Variants in PYY observed in about 807,000 individuals in gnomAD.
The protein encoded by PYY is peptide YY, also known as peptide tyrosine tyrosine.
In PYY, 12 loss-of-function variants were observed where a neutral mutation model predicts 10.3. The ratio of observed to expected loss-of-function variants is 1.17; its 90% CI spans 0.75 to 1.89. PYY has a LOEUF of 1.89. PYY is among the 40% of genes most tolerant of loss of function. The pLI, the probability that PYY is intolerant of heterozygous loss-of-function variation, is 0.00. For missense variants in PYY, 141 were observed against 134.0 expected (o/e 1.05, Z -0.26); for synonymous variants, 66 against 62.0 (o/e 1.06, Z -0.30).
rs546849468 is a variant in PYY, at chr17:43,985,727, C to T, written c.-463+18664G>A. ...AGTAGCACACACACAAAATAGGAAA[C>T]AGCACAAATTTCCAAATTTGTTCCA... On this transcript the variant is annotated intron_variant, in intron 1 of 6. Transcript: ENST00000360085. Among the ~76,000 whole-genome samples, 154 of 152,180 alleles carry T rather than the reference C, an allele frequency of 1.0e-3. 1 individual carries two copies. The highest frequency in any genetic ancestry group is 1.7e-3 in the Non-Finnish European group (118 of 68,010).
intron 2 of PYY, among the ~76,000 whole-genome samples, chr17:43,961,430 TATG>T (rs1003089514): frequency 6.6e-6 from 1 of 151,966 alleles, no homozygotes; most frequent in Non-Finnish European, 1.5e-5. Flanking sequence ...AAATAAAGAG[TATG>T]ATGAGGAAGC....
intron 2 of PYY, among the ~76,000 whole-genome samples, chr17:43,960,177 G>C (rs1418886325): frequency 6.6e-6 from 1 of 152,150 alleles, no homozygotes; most frequent in Non-Finnish European, 1.5e-5. Flanking sequence ...AGGGGATAGG[G>C]TGCCTCTGAT....
rs962952430 is a variant in PYY at position 43,978,926 on chromosome 17, T to C, written c.-462-12394A>G. Among the ~76,000 whole-genome samples the C allele has an allele frequency of 1.6e-4, 24 of 152,330 alleles. 1 individual carries two copies. Among genetic ancestry groups the C allele is most frequent in the South Asian group, 1.2e-3 (6 of 4,834 alleles). ...TAAACTGTGGGCACCCCCTGTAAAG[T>C]GCCCTTATCCATAAAGGTCTGTTTT... On this transcript the variant is annotated intron_variant, in intron 1 of 6. Transcript: ENST00000360085.
chr17:43,972,903 C>T (rs933200435), intron 1 of PYY, among the ~76,000 whole-genome samples: 2 of 151,874 alleles, frequency 1.3e-5, no homozygotes, highest in East Asian at 1.9e-4. Flanking sequence ...TTAGTAGAGA[C>T]GGTGTTTCAC....
At chr17:43,955,537 T>C (rs2048666155), upstream of PYY, among the ~76,000 whole-genome samples, 1 of 151,904 alleles carries the variant, frequency 6.6e-6, no homozygotes, top group Non-Finnish European at 1.5e-5. Context: ...CTGCTGAGCA[T>C]GGGGGTGGAA....
chr17:43,998,555 C>G (rs2049005727), intron 1 of PYY, among the ~76,000 whole-genome samples: 1 of 151,820 alleles, frequency 6.6e-6, no homozygotes, highest in South Asian at 2.1e-4. Context: ...GAGACTCTGT[C>G]TCAAAAAGAA....
chr17:43,962,772 T>TG (rs1555616992), intron 2 of PYY, among the ~76,000 whole-genome samples: 1 of 152,102 alleles, frequency 6.6e-6, no homozygotes, highest in Non-Finnish European at 1.5e-5. Context: ...GGGCATTTTT[T>TG]GGGGGGCGGC....
chr17:43,991,228 G>A (rs970667739), intron 1 of PYY, among the ~76,000 whole-genome samples: 6 of 151,812 alleles, frequency 4.0e-5, no homozygotes, highest in African/African-American at 9.7e-5. Context: ...TCAGGAGTTC[G>A]AGACTACCCT....
At position 43,989,889 on chromosome 17, in the gene PYY, TATATATATATAC is replaced by T. The variant is rs1456590752; in HGVS notation, c.-463+14490_-463+14501del. Among the ~76,000 whole-genome samples, 39 of 42,420 alleles carry T rather than the reference TATATATATATAC, an allele frequency of 9.2e-4. 18 individuals are homozygous for T. The highest frequency in any genetic ancestry group is 3.8e-3 in the African/African-American group (37 of 9,838). 27.8% of individuals were successfully genotyped at this position (42,420 alleles called of 152,430 possible). A position where few individuals can be genotyped will look rare whatever the true frequency, so the allele number is the denominator to read the frequency against. ...ATATATATATATATATATATATATATATATATATATACACACAAATCTATAAGTAAGACATTA... is the reference window on the plus strand; with the variant it reads ...ATATATATATATATATATATATATATACACAAATCTATAAGTAAGACATTA... On this transcript the variant is annotated intron_variant, in intron 1 of 6. Transcript: ENST00000360085.
chr17:43,990,034 A>C (rs2048946082), intron 1 of PYY, among the ~76,000 whole-genome samples: 1 of 151,618 alleles, frequency 6.6e-6, no homozygotes, highest in Non-Finnish European at 1.5e-5. Context: ...TTTACCTGGT[A>C]AGATTTCCAA....
intron 2 of PYY, among the ~76,000 whole-genome samples, chr17:43,959,013 A>G (rs2048694275): frequency 6.6e-6 from 1 of 152,246 alleles, no homozygotes; most frequent in Non-Finnish European, 1.5e-5. Flanking sequence ...CTAAAAATCT[A>G]GAAGTGTGCT....
At chr17:43,996,546 C>G (rs945417495) in intron 1 of PYY, among the ~76,000 whole-genome samples, 5 of 152,162 alleles carry the variant, frequency 3.3e-5, no homozygotes, top group Admixed American at 6.5e-5. Flanking sequence ...CCCACTGCAA[C>G]CTCCACCTCC....
At chr17:43,965,899 G>A (rs1300554792) in intron 2 of PYY, among the ~76,000 whole-genome samples, 1 of 147,168 alleles carries the variant, frequency 6.8e-6, no homozygotes, top group African/African-American at 2.5e-5. Context: ...GGCATTTCCT[G>A]TTTCTGCCTA....
chr17:43,977,005 A>C (rs766339051), intron 1 of PYY, among the ~76,000 whole-genome samples: 2 of 151,704 alleles, frequency 1.3e-5, no homozygotes, highest in South Asian at 4.2e-4. Flanking sequence ...ATTTCTCCAC[A>C]ATTCTCACCA....
rs2048640474 is a variant in PYY at position 43,952,858 on chromosome 17, C to A, written c.*98G>T. 21 of 1,364,768 alleles carry A rather than the reference C, an allele frequency of 1.5e-5. No homozygotes were observed. The South Asian group carries it at 2.8e-4, about 18-fold the overall frequency. The allele number at this position is 1,364,768 out of a possible 1,614,324, so 84.5% of individuals were successfully genotyped here. On this transcript the variant is annotated 3_prime_UTR_variant, in exon 4 of 4. Transcript: ENST00000692052. ...CCGCACCCGAACCCTGCCCAGACGCCGCCGTCGGGAGGCAGAATCCGGGTT... is the reference window on the plus strand; with the variant it reads ...CCGCACCCGAACCCTGCCCAGACGCAGCCGTCGGGAGGCAGAATCCGGGTT...
upstream of PYY, among the ~76,000 whole-genome samples, chr17:43,957,737 G>A (rs994152887): frequency 2.0e-5 from 3 of 152,172 alleles, no homozygotes; most frequent in Admixed American, 6.5e-5. Flanking sequence ...TCAGAGCCGG[G>A]TGTAGTGGCT....
Position 43,999,636 on chromosome 17 carries a change from C to T in PYY, c.-463+4755G>A, listed in dbSNP as rs186665589. Among the ~76,000 whole-genome samples the T allele has an allele frequency of 6.1e-4, 92 of 151,982 alleles. 1 individual carries two copies. Among genetic ancestry groups the T allele is most frequent in the African/African-American group, 2.1e-3 (89 of 41,410 alleles). On this transcript the variant is annotated intron_variant, in intron 1 of 6. Transcript: ENST00000360085. The stretch of plus-strand genomic sequence containing the variant: ...ACAAAAAATCAGCCAGGCGTGGTGG[C>T]GCGTGCCTGTAATCCCAGCTACTCG...
intron 1 of PYY, among the ~76,000 whole-genome samples, chr17:44,003,122 C>T (rs1453117168): frequency 6.6e-6 from 1 of 152,126 alleles, no homozygotes; most frequent in African/African-American, 2.4e-5. Flanking sequence ...ACCGCAATCT[C>T]CTCCTCCCAG....
At chr17:43,976,179 A>G (rs1404749797) in intron 1 of PYY, among the ~76,000 whole-genome samples, 1 of 84,748 alleles carries the variant, frequency 1.2e-5, no homozygotes, top group Non-Finnish European at 1.8e-5. Flanking sequence ...ATATATGTAT[A>G]TATACGTATA....
Sources: allele counts gnomAD v4.1 joint callset (sites outside exome capture counted in the v4.1 genomes callset), GRCh38; gene constraint gnomAD v4.1.1; transcripts MANE v1.5; gene names NCBI Gene and HGNC (gene_info 2026-07-23, HGNC 2026-07-21).